TENM2: variants seen among roughly 807,000 people sequenced by gnomAD.
The protein encoded by TENM2 is teneurin-2.
Under a neutral mutation model 245.2 loss-of-function variants are expected in TENM2, and 52 were observed. That is an observed-to-expected ratio of 0.21 (90% confidence interval 0.17 to 0.27). TENM2 has a LOEUF of 0.27. Ranked by LOEUF, TENM2 falls within the 10% of genes least tolerant of loss-of-function variation. The probability of loss-of-function intolerance (pLI) is 1.00; values close to 1 mark genes in which losing one functional copy is unlikely to be tolerated. For missense variants in TENM2, 3,046 were observed against 3,666.8 expected (o/e 0.83, Z 4.37); for synonymous variants, 1,363 against 1,438.9 (o/e 0.95, Z 1.19).
intron 2 of TENM2, among the ~76,000 whole-genome samples, chr5:167,602,881 G>A (rs532679299): frequency 6.6e-6 from 1 of 152,144 alleles, no homozygotes; most frequent in Admixed American, 6.5e-5. Context: ...GGTAGTAAGT[G>A]GTCATGAGGA....
chr5:167,762,215 A>C (rs1243968681), intron 2 of TENM2, among the ~76,000 whole-genome samples: 1 of 152,174 alleles, frequency 6.6e-6, no homozygotes, highest in Non-Finnish European at 1.5e-5. Context: ...GGTTTTCTAC[A>C]AGTGAGCTAA....
chr5:167,071,710 C>T, the TENM2 span, among the ~76,000 whole-genome samples: 1 of 152,016 alleles, frequency 6.6e-6, no homozygotes, highest in Non-Finnish European at 1.5e-5. Context: ...TTCGATATTA[C>T]TGAATTTTGT....
At chr5:168,151,835 TC>T (rs1756682178) in intron 12 of TENM2, among the ~76,000 whole-genome samples, 1 of 152,220 alleles carries the variant, frequency 6.6e-6, no homozygotes, top group Admixed American at 6.5e-5. Context: ...TTCATCTCTG[TC>T]CCCACCTCTG....
At chr5:167,358,840 CACACACACACA>C (rs748333212) in intron 1 of TENM2, among the ~76,000 whole-genome samples, 6 of 122,700 alleles carry the variant, frequency 4.9e-5, no homozygotes, top group Non-Finnish European at 9.2e-5. Context: ...CACACACACA[CACACACACACA>C]CCCTGCTGTT....
chr5:167,034,700 A>C, the TENM2 span, among the ~76,000 whole-genome samples: 13 of 148,790 alleles, frequency 8.7e-5, no homozygotes, highest in African/African-American at 3.2e-4. Context: ...AATTGTTATT[A>C]TTATTTTCCT....
At chr5:167,989,298 G>GAT (rs1554167235) in intron 4 of TENM2, among the ~76,000 whole-genome samples, 59 of 147,768 alleles carry the variant, frequency 4.0e-4, no homozygotes, top group South Asian at 6.6e-4. Flanking sequence ...GAGAGAGAGA[G>GAT]AGATAGATAG....
intron 15 of TENM2, among the ~76,000 whole-genome samples, chr5:168,195,976 A>G (rs1214993897): frequency 6.6e-6 from 1 of 152,132 alleles, no homozygotes; most frequent in African/African-American, 2.4e-5. Flanking sequence ...AGAAGAAGAA[A>G]AGAAATCTAT....
chr5:168,090,009 C>T (rs1392802075), intron 7 of TENM2, among the ~76,000 whole-genome samples: 1 of 152,088 alleles, frequency 6.6e-6, no homozygotes, highest in Admixed American at 6.6e-5. Flanking sequence ...TCATCATAGC[C>T]CTTCTGCTGT....
intron 2 of TENM2, among the ~76,000 whole-genome samples, chr5:167,851,991 A>C (rs916449866): frequency 6.6e-6 from 1 of 152,124 alleles, no homozygotes; most frequent in African/African-American, 2.4e-5. Flanking sequence ...AATGTGTCAC[A>C]CTCCTTAATT....
At chr5:167,346,345 G>A (rs536274307) in intron 1 of TENM2, among the ~76,000 whole-genome samples, 4 of 152,278 alleles carry the variant, frequency 2.6e-5, no homozygotes, top group East Asian at 1.9e-4. Flanking sequence ...ATTCATACAC[G>A]GAGCTGCTTT....
At chr5:167,230,834 A>T in the TENM2 span, among the ~76,000 whole-genome samples, 1 of 152,226 alleles carries the variant, frequency 6.6e-6, no homozygotes, top group Non-Finnish European at 1.5e-5. Flanking sequence ...TTGGAAAGTG[A>T]TATGGTTACG....
chr5:167,664,518 C>T (rs189613486), intron 2 of TENM2, among the ~76,000 whole-genome samples: 12 of 152,218 alleles, frequency 7.9e-5, no homozygotes, highest in Admixed American at 5.9e-4. Flanking sequence ...ATCTTCTCAT[C>T]GTCCAGTTGT....
At chr5:167,248,781 T>C in the TENM2 span, among the ~76,000 whole-genome samples, 1 of 109,488 alleles carries the variant, frequency 9.1e-6, no homozygotes, top group Non-Finnish European at 1.9e-5. Flanking sequence ...TATATATGTG[T>C]GTATATATAT....
intron 3 of TENM2, among the ~76,000 whole-genome samples, chr5:167,883,633 C>G (rs1774055880): frequency 6.6e-6 from 1 of 152,192 alleles, no homozygotes. Context: ...TTCTACCTCT[C>G]CATTTCTGTC....
intron 9 of TENM2, among the ~76,000 whole-genome samples, chr5:168,111,787 G>T (rs1013743486): frequency 1.3e-5 from 2 of 152,016 alleles, no homozygotes; most frequent in East Asian, 1.9e-4. Flanking sequence ...TTTTTTCCCC[G>T]ATCAGATAAG....
the TENM2 span, among the ~76,000 whole-genome samples, chr5:167,078,691 T>C: frequency 6.6e-6 from 1 of 152,164 alleles, no homozygotes; most frequent in African/African-American, 2.4e-5. Context: ...AGTTAGGAAA[T>C]GGCAAGCCTC....
chr5:167,584,111 C>T (rs1448391444), intron 2 of TENM2, among the ~76,000 whole-genome samples: 2 of 152,194 alleles, frequency 1.3e-5, no homozygotes, highest in Non-Finnish European at 2.9e-5. Flanking sequence ...GGCGGAGGGT[C>T]CTGACTACAA....
the TENM2 span, among the ~76,000 whole-genome samples, chr5:167,274,588 T>G: frequency 6.6e-6 from 1 of 151,782 alleles, no homozygotes; most frequent in East Asian, 1.9e-4. Flanking sequence ...TTTCTTTCTT[T>G]TTTTTTTTAA....
At chr5:167,190,423 G>T in the TENM2 span, among the ~76,000 whole-genome samples, 1 of 152,002 alleles carries the variant, frequency 6.6e-6, no homozygotes, top group African/African-American at 2.4e-5. Flanking sequence ...CATAGCAAAG[G>T]TGTAGTGAGA....
Sources: allele counts gnomAD v4.1 joint callset (sites outside exome capture counted in the v4.1 genomes callset), GRCh38; gene constraint gnomAD v4.1.1; transcripts MANE v1.5; gene names NCBI Gene and HGNC (gene_info 2026-07-23, HGNC 2026-07-21).